The following ZBTB34 variants were observed in gnomAD, a reference collection of about 807,000 sequenced individuals.
ZBTB34 encodes zinc finger and BTB domain containing 34.
In ZBTB34, 1 loss-of-function variant was observed where a neutral mutation model predicts 33.4. The observed-to-expected ratio is 0.03, with a 90% CI of 0.01 to 0.14. The LOEUF is 0.14. Ranked by LOEUF, ZBTB34 falls within the 10% of genes least tolerant of loss-of-function variation. The probability of loss-of-function intolerance (pLI) is 1.00; values close to 1 mark genes in which losing one functional copy is unlikely to be tolerated. For synonymous variants in ZBTB34, 283 were observed against 253.5 expected, an observed-to-expected ratio of 1.12 and a Z score of -1.11; for missense variants, 406 against 657.2, an observed-to-expected ratio of 0.62 and a Z score of 4.18.
At chr9:126,881,389 T>TTA (rs1178369078) in exon 2 of ZBTB34, 2 of 160,970 alleles carry the variant, frequency 1.2e-5, no homozygotes, top group Admixed American at 1.3e-4. Flanking sequence ...AAAACTATTA[T>TTA]TATATATATA....
intron 1 of ZBTB34, among the ~76,000 whole-genome samples, chr9:126,867,447 C>CTTTTTTTT (rs201325256): frequency 1.0e-4 from 12 of 119,498 alleles, no homozygotes; most frequent in East Asian, 7.5e-4. Flanking sequence ...TGTCATTTTT[C>CTTTTTTTT]TTTTTTTTTT....
exon 2 of ZBTB34, chr9:126,881,110 G>T (rs1243736223): frequency 3.3e-6 from 2 of 611,104 alleles, no homozygotes; most frequent in African/African-American, 1.9e-5. Flanking sequence ...CTCAAAGCAT[G>T]AAGGGCAACG....
At chr9:126,871,372 T>A (rs1395687970) in intron 1 of ZBTB34, among the ~76,000 whole-genome samples, 1 of 151,178 alleles carries the variant, frequency 6.6e-6, no homozygotes, top group Non-Finnish European at 1.5e-5. Flanking sequence ...TTTTCTTTTT[T>A]TTTTTTTTTG....
At chr9:126,863,820 T>G in intron 1 of ZBTB34, 2 of 534,156 alleles carry the variant, frequency 3.7e-6, no homozygotes, top group Non-Finnish European at 4.8e-6. Context: ...TGCTGTGCCT[T>G]ACTATTTTTT....
chr9:126,863,520 C>T (rs1193204461), intron 1 of ZBTB34, among the ~76,000 whole-genome samples: 1 of 152,130 alleles, frequency 6.6e-6, no homozygotes, highest in Admixed American at 6.5e-5. Context: ...CGTTAATGTT[C>T]ATGTTACTTT....
chr9:126,868,675 A>C (rs901804703), intron 1 of ZBTB34, among the ~76,000 whole-genome samples: 10 of 152,096 alleles, frequency 6.6e-5, no homozygotes, highest in Non-Finnish European at 1.5e-4. Context: ...AGGGCCCCTC[A>C]CAGTTTGCTG....
In ZBTB34 at chr9:126,880,692, ATT is replaced by A. The variant is rs1564226670; in HGVS notation, c.1294_1295del (p.Phe432ProfsTer3). ...TCCGGGGCCATACAGATGATAAACC[ATT>A]CCGCTGTGAGATCTGCGGGAAGTGC... is the stretch of plus-strand genomic sequence containing the variant. On this transcript the variant is annotated frameshift_variant, in exon 2 of 2. Coordinates refer to ENST00000319119, the Ensembl canonical transcript of ZBTB34. LOFTEE classifies it high-confidence loss of function. The surrounding 1 kb of genome is among the most constrained non-coding windows in gnomAD (Gnocchi z 6.7). 6.2e-7 allele frequency: 1 copy of A among 1,613,872 alleles called. No individual in the cohort carries two copies. The highest frequency in any genetic ancestry group is 8.5e-7 in the Non-Finnish European group (1 of 1,179,912).
chr9:126,861,039 C>T (rs2033136235), intron 1 of ZBTB34, among the ~76,000 whole-genome samples: 1 of 152,036 alleles, frequency 6.6e-6, no homozygotes, highest in East Asian at 1.9e-4. Context: ...CGCGCTCGGG[C>T]AGCTGCCCTG....
intron 1 of ZBTB34, among the ~76,000 whole-genome samples, chr9:126,872,560 A>G (rs1480915969): frequency 6.6e-6 from 1 of 152,170 alleles, no homozygotes; most frequent in African/African-American, 2.4e-5. Flanking sequence ...TCATATTTGA[A>G]CTTGAATTGT....
chr9:126,870,665 G>C (rs531456779), intron 1 of ZBTB34, among the ~76,000 whole-genome samples: 1 of 152,124 alleles, frequency 6.6e-6, no homozygotes, highest in African/African-American at 2.4e-5. Flanking sequence ...AGTGGCTCAC[G>C]CCTGTAATCC....
chr9:126,862,926 T>C (rs1265462985), intron 1 of ZBTB34, among the ~76,000 whole-genome samples: 1 of 152,130 alleles, frequency 6.6e-6, no homozygotes, highest in Non-Finnish European at 1.5e-5. Context: ...TTTTTTTTTT[T>C]TTAAGGAGAA....
intron 1 of ZBTB34, among the ~76,000 whole-genome samples, chr9:126,865,048 T>C (rs1362149220): frequency 2.6e-5 from 4 of 152,236 alleles, no homozygotes; most frequent in Non-Finnish European, 1.5e-5. Flanking sequence ...TCCTGGTGCC[T>C]TAAACAACTT....
intron 1 of ZBTB34, among the ~76,000 whole-genome samples, chr9:126,864,854 C>T (rs760991524): frequency 6.6e-6 from 1 of 152,118 alleles, no homozygotes; most frequent in Non-Finnish European, 1.5e-5. Flanking sequence ...GTCTGCGGTG[C>T]TTCAGTCTGT....
At chr9:126,871,451 C>T (rs986891978) in intron 1 of ZBTB34, among the ~76,000 whole-genome samples, 1 of 151,352 alleles carries the variant, frequency 6.6e-6, no homozygotes, top group Non-Finnish European at 1.5e-5. Flanking sequence ...CAACCTCCCC[C>T]TCCCAGGTTC....
intron 1 of ZBTB34, among the ~76,000 whole-genome samples, chr9:126,874,143 G>A (rs1588388945): frequency 7.2e-6 from 1 of 137,944 alleles, no homozygotes; most frequent in South Asian, 2.4e-4. Context: ...CCAGGTTCAC[G>A]CCAGTCTCCT....
chr9:126,875,907 T>C (rs946484886), intron 1 of ZBTB34, among the ~76,000 whole-genome samples: 1 of 151,992 alleles, frequency 6.6e-6, no homozygotes, highest in Non-Finnish European at 1.5e-5. Context: ...CAAAGTGTGC[T>C]CCAGGGAACA....
rs916271262 is a variant in ZBTB34 at position 126,884,484 on chromosome 9, GT to G, written c.*3581del. Reference sequence around the variant, plus strand: ...TTGTTGTTGTTGTTGTTTTAGTTTAGTTTTTTTTTTTAAACAGCAGAAAGGA... The same window carrying G: ...TTGTTGTTGTTGTTGTTTTAGTTTAGTTTTTTTTTTAAACAGCAGAAAGGA... On this transcript the variant is annotated 3_prime_UTR_variant, in exon 2 of 2. Coordinates refer to ENST00000319119, the Ensembl canonical transcript of ZBTB34. 2.6e-3 allele frequency: 412 copies of G among 159,558 alleles called. 2 individuals carry two copies. The highest frequency in any genetic ancestry group is 9.2e-3 in the African/African-American group (374 of 40,488). 9.9% of individuals were successfully genotyped at this position (159,558 alleles called of 1,614,324 possible). A position where few individuals can be genotyped will look rare whatever the true frequency, so the allele number is the denominator to read the frequency against.
intron 1 of ZBTB34, among the ~76,000 whole-genome samples, chr9:126,877,686 G>A (rs1007961067): frequency 6.6e-6 from 1 of 152,180 alleles, no homozygotes. Context: ...TTTCACTCTT[G>A]TTGTCTAAAA....
At chr9:126,881,019 C>A (rs2033433007) in exon 2 of ZBTB34, 3 of 1,300,396 alleles carry the variant, frequency 2.3e-6, no homozygotes, top group Non-Finnish European at 3.1e-6. Flanking sequence ...ATCTCTTGGT[C>A]TCTTGGCAGT....
Sources: gnomAD v4.1 joint callset for allele counts (sites outside exome capture counted in the v4.1 genomes callset) on GRCh38, gnomAD v4.1.1 for gene constraint, Gnocchi (gnomAD v3.1) non-coding constraint, MANE v1.5 for transcripts, NCBI Gene and HGNC (gene_info 2026-07-23, HGNC 2026-07-21) for gene names.